The following NUF2 variants were observed in gnomAD, a reference collection of about 807,000 sequenced individuals.
The protein encoded by NUF2 is NUF2 component of NDC80 kinetochore complex.
In NUF2, 34 loss-of-function variants were observed where a neutral mutation model predicts 61.8. The ratio of observed to expected loss-of-function variants is 0.55; its 90% CI spans 0.42 to 0.73. NUF2 has a LOEUF of 0.73. Ranked by LOEUF, NUF2 falls within the 30% of genes least tolerant of loss-of-function variation. The probability of loss-of-function intolerance (pLI) is 0.00; values close to 1 mark genes in which losing one functional copy is unlikely to be tolerated. For missense variants in NUF2, 445 were observed against 539.1 expected (o/e 0.83, Z 1.73); for synonymous variants, 172 against 181.6 (o/e 0.95, Z 0.42).
At chr1:163,354,208 T>A (rs1394840060) in intron 13 of NUF2, among the ~76,000 whole-genome samples, 1 of 152,202 alleles carries the variant, frequency 6.6e-6, no homozygotes, top group Non-Finnish European at 1.5e-5. Context: ...TTCCTATTGG[T>A]TCATATTCTA....
intron 5 of NUF2, among the ~76,000 whole-genome samples, chr1:163,331,565 A>C (rs1650600433): frequency 6.6e-6 from 1 of 151,936 alleles, no homozygotes; most frequent in East Asian, 1.9e-4. Context: ...TTGTTTTATA[A>C]AATTTGTATT....
At chr1:163,353,853 A>C (rs1455648811) in intron 13 of NUF2, among the ~76,000 whole-genome samples, 1 of 152,104 alleles carries the variant, frequency 6.6e-6, no homozygotes, top group African/African-American at 2.4e-5. Flanking sequence ...TGGCTCTACT[A>C]GCAGGATTTT....
chr1:163,354,557 C>T lies in NUF2; in HGVS notation c.1261-778C>T, dbSNP rs530178845. Among the ~76,000 whole-genome samples the T allele has an allele frequency of 5.9e-5, 9 of 152,164 alleles. No individual in the cohort carries two copies. The East Asian group carries it at 1.5e-3, about 26-fold the overall frequency. ...CTTAAGAAAAATTTAGTGGGAGAGA[C>T]ACTTAAAATTGAGAACATTGTATTC... On this transcript the variant is annotated intron_variant, in intron 13 of 13. Transcript: ENST00000271452.
intron 13 of NUF2, among the ~76,000 whole-genome samples, chr1:163,351,121 C>T (rs1334422206): frequency 6.6e-6 from 1 of 152,152 alleles, no homozygotes; most frequent in Non-Finnish European, 1.5e-5. Context: ...TTATTACTAT[C>T]CTATTTACTG....
chr1:163,327,098 TCACACACACA>T (rs752584850), intron 2 of NUF2, among the ~76,000 whole-genome samples: 60 of 33,372 alleles, frequency 1.8e-3, no homozygotes, highest in African/African-American at 3.2e-3. Context: ...TTTCCTGTGT[TCACACACACA>T]CACACACACA....
intron 11 of NUF2, 94 bp downstream of exon 11, chr1:163,345,912 A>C (rs1651108984): frequency 9.3e-6 from 8 of 861,286 alleles, no homozygotes; most frequent in African/African-American, 1.7e-5. Context: ...GTTTTCCTAA[A>C]GAAAAACAGG....
intron 3 of NUF2, chr1:163,327,776 A>G: frequency 2.0e-6 from 1 of 497,828 alleles, no homozygotes. Context: ...TAAGATGAAA[A>G]CCATAGTAAA....
In NUF2 at chr1:163,338,104, G is replaced by T. The variant is rs1409250464; in HGVS notation, c.509+11G>T. The T allele has an allele frequency of 1.2e-6, 2 of 1,601,450 alleles. No individual in the cohort carries two copies. The highest frequency in any genetic ancestry group is 2.2e-5 in the South Asian group (2 of 90,690). ...ACTGGAGAGACTTGAGTAAGTGGGA[G>T]ATTTACAAGTAAAATAAATGCAATT... On this transcript the variant is annotated intron_variant, in intron 7 of 13. Coordinates refer to ENST00000271452, the MANE Select transcript of NUF2 (RefSeq NM_145697.3).
At chr1:163,335,227 C>G (rs377196035) in intron 5 of NUF2, among the ~76,000 whole-genome samples, 2 of 152,174 alleles carry the variant, frequency 1.3e-5, no homozygotes, top group African/African-American at 4.8e-5. Flanking sequence ...GCTAGGATTA[C>G]AGGTGTGAGC....
At chr1:163,333,221 TTTATA>T (rs780109887) in intron 5 of NUF2, among the ~76,000 whole-genome samples, 223 of 152,296 alleles carry the variant, frequency 1.5e-3, no homozygotes, top group Non-Finnish European at 2.3e-3. Flanking sequence ...TATACTTGAT[TTTATA>T]TTAACATAGC....
chr1:163,327,404 G>A (rs1410415316), intron 2 of NUF2, 84 bp from the exon 3 acceptor site: 6 of 709,768 alleles, frequency 8.5e-6, no homozygotes, highest in African/African-American at 5.4e-5. Flanking sequence ...TGCTTTCATC[G>A]ATTATAATAT....
intron 11 of NUF2, chr1:163,346,042 C>G (rs1160080967): frequency 8.6e-6 from 3 of 350,006 alleles, no homozygotes; most frequent in Non-Finnish European, 1.5e-5. Flanking sequence ...AATAACTAAC[C>G]CATCACATTG....
At chr1:163,340,231 A>G in intron 8 of NUF2, 133 bp from the exon 9 acceptor site, 1 of 675,496 alleles carries the variant, frequency 1.5e-6, no homozygotes, top group Non-Finnish European at 2.5e-6. Context: ...GAGCATCATG[A>G]ACAGAGAAAG....
At chr1:163,347,512 A>G (rs1230743659) in intron 11 of NUF2, among the ~76,000 whole-genome samples, 2 of 152,022 alleles carry the variant, frequency 1.3e-5, no homozygotes, top group Admixed American at 1.3e-4. Flanking sequence ...TAATCTTAAC[A>G]TGTCTCCCTT....
chr1:163,341,992 T>C (rs762516631), intron 9 of NUF2, among the ~76,000 whole-genome samples: 2 of 152,208 alleles, frequency 1.3e-5, no homozygotes, highest in Non-Finnish European at 2.9e-5. Context: ...TATTTGTCTG[T>C]CAAATTTATA....
chr1:163,347,727 G>T, intron 11 of NUF2, 36 bp from the exon 12 acceptor site: 3 of 1,278,642 alleles, frequency 2.3e-6, no homozygotes, highest in Non-Finnish European at 3.1e-6. Context: ...ATCCTAATTG[G>T]TTATGTTGAC....
chr1:163,339,350 GC>G, intron 7 of NUF2, 30 bp from the exon 8 acceptor site: 1 of 1,325,684 alleles, frequency 7.5e-7, no homozygotes, highest in South Asian at 1.2e-5. Flanking sequence ...AAAGTGAAGA[GC>G]AGTATTTTAA....
intron 13 of NUF2, among the ~76,000 whole-genome samples, chr1:163,349,380 G>C (rs1367846074): frequency 1.3e-5 from 2 of 151,976 alleles, no homozygotes; most frequent in African/African-American, 4.8e-5. Context: ...CTAACAAGTA[G>C]TATATTCCTA....
At chr1:163,322,567 G>T (rs938603667) in intron 1 of NUF2, among the ~76,000 whole-genome samples, 2 of 152,174 alleles carry the variant, frequency 1.3e-5, no homozygotes, top group African/African-American at 4.8e-5. Flanking sequence ...CGCCATCATT[G>T]TTCCTTTTAA....
Sources: allele counts gnomAD v4.1 joint callset (sites outside exome capture counted in the v4.1 genomes callset), GRCh38; gene constraint gnomAD v4.1.1; transcripts MANE v1.5; gene names NCBI Gene and HGNC (gene_info 2026-07-23, HGNC 2026-07-21).